The following DYSF variants were observed in gnomAD, a reference collection of about 807,000 sequenced individuals.
DYSF encodes the protein dysferlin.
Under a neutral mutation model 274.9 loss-of-function variants are expected in DYSF, and 212 were observed. The ratio of observed to expected loss-of-function variants is 0.77; its 90% CI spans 0.69 to 0.86. The LOEUF is 0.86. DYSF is among the 40% of genes least tolerant of loss of function. The pLI is 0.00. For missense variants in DYSF, 2,666 were observed against 2,783.2 expected (o/e 0.96, Z 0.95); for synonymous variants, 1,091 against 1,078.7 (o/e 1.01, Z -0.22).
intron 5 of DYSF, among the ~76,000 whole-genome samples, chr2:71,512,955 C>A (rs181891145): frequency 2.0e-5 from 3 of 152,012 alleles, no homozygotes; most frequent in Non-Finnish European, 4.4e-5. Context: ...GAGAGGTGCC[C>A]GTGGTGGCAG....
At chr2:71,521,533 G>A (rs938662821) in intron 12 of DYSF, among the ~76,000 whole-genome samples, 3 of 152,204 alleles carry the variant, frequency 2.0e-5, no homozygotes, top group Non-Finnish European at 2.9e-5. Flanking sequence ...GCAGGTGGGT[G>A]GTGGACGTGT....
At position 71,664,231 on chromosome 2, in the gene DYSF, C is replaced by T. The variant is rs2303599; in HGVS notation, c.5004-37C>T. ...TGCCCTGCCTGTCCCTTGGGTGCCC[C>T]GTGTTGGCTGACATCGGGAATCTGC... On this transcript the variant is annotated intron_variant, in intron 45 of 55. Transcript: ENST00000410020. 0.85 allele frequency: 1,367,338 copies of T among 1,612,854 alleles called. 582,865 individuals are homozygous for T. Among genetic ancestry groups the T allele is most frequent in the Middle Eastern group, 0.89 (5,382 of 6,056 alleles).
intron 30 of DYSF, among the ~76,000 whole-genome samples, chr2:71,577,605 GAC>G (rs767350546): frequency 4.0e-5 from 6 of 150,108 alleles, no homozygotes; most frequent in East Asian, 3.9e-4. Flanking sequence ...CCAACACATA[GAC>G]ACACACACAT....
intron 1 of DYSF, among the ~76,000 whole-genome samples, chr2:71,476,180 C>T (rs1415617005): frequency 6.6e-6 from 1 of 152,102 alleles, no homozygotes; most frequent in Admixed American, 6.5e-5. Context: ...GGCTATCTGC[C>T]TTTTTTACTG....
chr2:71,543,939 A>G (rs1308530740), intron 17 of DYSF, among the ~76,000 whole-genome samples: 1 of 146,470 alleles, frequency 6.8e-6, no homozygotes, highest in African/African-American at 2.5e-5. Context: ...AGGGAGAGGG[A>G]GAGGGAGACG....
At chr2:71,677,657 G>GATAATACTAATA (rs141698370) in intron 52 of DYSF, among the ~76,000 whole-genome samples, 1 of 151,422 alleles carries the variant, frequency 6.6e-6, no homozygotes, top group Non-Finnish European at 1.5e-5. Flanking sequence ...CACCTACTAA[G>GATAATACTAATA]ATAATAGTAA....
intron 1 of DYSF, among the ~76,000 whole-genome samples, chr2:71,468,001 A>T (rs937353234): frequency 1.6e-4 from 24 of 152,218 alleles, no homozygotes; most frequent in African/African-American, 5.5e-4. Flanking sequence ...AGGGAGATTT[A>T]TGTGTAGCTT....
rs141002437 is a variant in DYSF, at chr2:71,513,750, A to G, written c.588A>G (p.Gly196=). 2.5e-6 allele frequency: 4 copies of G among 1,613,948 alleles called. No individual in the cohort carries two copies. The highest frequency in any genetic ancestry group is 1.3e-5 in the African/African-American group (1 of 74,900). ...GAGAGGAAGACACAGAGGACCAGGG[A>G]CTCACTGGAGATGAGGCGGAGCCAT... ...TGGEEDTEDQ[G]LTGDEAEPFL... The change falls in exon 7 of 56, where the codon GGA becomes GGG. Residue 196 remains glycine (G), a synonymous_variant. Coordinates refer to ENST00000410020, the MANE Select transcript of DYSF (RefSeq NM_001130987.2).
chr2:71,676,132 A>T lies in DYSF; in HGVS notation c.5884+1836A>T, dbSNP rs907336158. Among the ~76,000 whole-genome samples, 111 of 152,178 alleles carry T rather than the reference A, an allele frequency of 7.3e-4. 2 individuals carry two copies. Among genetic ancestry groups the T allele is most frequent in the Non-Finnish European group, 1.3e-4 (9 of 68,042 alleles). ...CCAATGTGAGTAACACCCTCGGCAT[A>T]TGCACATCCTTCGATCCTTTGTGCA... On this transcript the variant is annotated intron_variant, in intron 52 of 55. Coordinates refer to ENST00000410020, the MANE Select transcript of DYSF (RefSeq NM_001130987.2).
At position 71,564,038 on chromosome 2, in the gene DYSF, G is replaced by T; in HGVS notation, c.2410-20G>T. The T allele has an allele frequency of 6.2e-7, 1 of 1,613,186 alleles. No individual in the cohort carries two copies. The highest frequency in any genetic ancestry group is 1.1e-5 in the South Asian group (1 of 90,978). On this transcript the variant is annotated intron_variant, in intron 23 of 55. Transcript: ENST00000410020. The stretch of plus-strand genomic sequence containing the variant: ...CCTGGTGTGTCACCATCCCCACCCC[G>T]ACCACCACCCTCTGTTCAGCCCCAG...
chr2:71,545,784 C>A (rs926200435), intron 17 of DYSF, among the ~76,000 whole-genome samples: 5 of 152,150 alleles, frequency 3.3e-5, no homozygotes, highest in Non-Finnish European at 1.5e-5. Flanking sequence ...GACCTGTCTT[C>A]ATTTCTATGC....
intron 52 of DYSF, among the ~76,000 whole-genome samples, chr2:71,675,388 G>C (rs751250252): frequency 1.3e-5 from 2 of 152,240 alleles, no homozygotes; most frequent in Non-Finnish European, 2.9e-5. Flanking sequence ...CTGGTTTCTA[G>C]ATCCATTCTG....
At position 71,679,116 on chromosome 2, in the gene DYSF, T is replaced by C. The variant is rs1276893798; in HGVS notation, c.5944T>C (p.Ser1982Pro). The change falls in exon 53 of 56, where the codon TCC (serine) becomes CCC (proline). Residue 1982 changes from serine (S) to proline (P), a missense_variant. Physicochemically the swap from Ser to Pro is moderately conservative, Grantham distance 74 (BLOSUM62 -1). This residue lies in a region of DYSF where 1,460 missense variants were observed against 1,502.1 expected (regional missense o/e 0.97). Coordinates refer to ENST00000410020, the MANE Select transcript of DYSF (RefSeq NM_001130987.2). ...GCCAGCCAAGACAGCCAAGAAGTGC[T>C]CCTTGGACCAGCTGGATGATGCTTT... ...PKPAKTAKKC[S>P]LDQLDDAFHP... The C allele has an allele frequency of 1.2e-6, 2 of 1,613,980 alleles. No individual in the cohort carries two copies. Among genetic ancestry groups the C allele is most frequent in the Non-Finnish European group, 1.7e-6 (2 of 1,179,944 alleles).
intron 18 of DYSF, 56 bp downstream of exon 18, chr2:71,551,212 G>A: frequency 2.5e-6 from 4 of 1,577,156 alleles, no homozygotes; most frequent in Non-Finnish European, 3.5e-6. Context: ...GGTCCCTCAG[G>A]AGCCCAGGCC....
intron 2 of DYSF, among the ~76,000 whole-genome samples, chr2:71,481,189 C>G (rs1430113421): frequency 6.6e-6 from 1 of 152,156 alleles, no homozygotes; most frequent in Non-Finnish European, 1.5e-5. Context: ...CTCTGGCCAG[C>G]CAGGTAAAGG....
Position 71,611,596 on chromosome 2 carries a change from C to A in DYSF, c.4191C>A (p.Asn1397Lys), listed in dbSNP as rs536906283. Residue 1397 changes from asparagine (N) to lysine (K), a missense_variant, in exon 38 of 56, where the codon AAC becomes AAA. By Grantham distance (94) the Asn-to-Lys change is moderately conservative. This residue lies in a region of DYSF where 1,460 missense variants were observed against 1,502.1 expected (regional missense o/e 0.97). Coordinates refer to ENST00000410020, the MANE Select transcript of DYSF (RefSeq NM_001130987.2). ...CVIRNLRKNP[N>K]FDICTLFMEV... Reference sequence around the variant, plus strand: ...TCAGGAACCTCCGGAAGAACCCCAACTTTGACATCTGCACCCTCTTCATGG... The same window carrying A: ...TCAGGAACCTCCGGAAGAACCCCAAATTTGACATCTGCACCCTCTTCATGG... 2.5e-5 allele frequency: 40 copies of A among 1,614,078 alleles called. No homozygotes were observed. The South Asian group carries it at 4.1e-4, about 16-fold the overall frequency.
chr2:71,594,884 C>T (rs958293379), intron 32 of DYSF, among the ~76,000 whole-genome samples: 1 of 152,188 alleles, frequency 6.6e-6, no homozygotes, highest in Admixed American at 6.5e-5. Flanking sequence ...TTGTATTATA[C>T]CTGTTTAGGT....
chr2:71,651,005 T>C (rs2094647977), intron 42 of DYSF, among the ~76,000 whole-genome samples: 1 of 151,874 alleles, frequency 6.6e-6, no homozygotes, highest in African/African-American at 2.4e-5. Context: ...AAAATGAAAA[T>C]GAAAACATGT....
intron 12 of DYSF, among the ~76,000 whole-genome samples, chr2:71,522,563 C>G (rs2152744245): frequency 6.6e-6 from 1 of 152,306 alleles, no homozygotes; most frequent in East Asian, 1.9e-4. Context: ...TCCTGCCCGT[C>G]ACTGTTGAGG....
Sources: gnomAD v4.1 joint callset for allele counts (sites outside exome capture counted in the v4.1 genomes callset) on GRCh38, gnomAD v4.1.1 for gene constraint, gnomAD v4.1.1 regional missense constraint, MANE v1.5 for transcripts, NCBI Gene and HGNC (gene_info 2026-07-23, HGNC 2026-07-21) for gene names.